Variants in IL1RAPL2 observed in about 807,000 individuals in gnomAD.
IL1RAPL2 encodes the protein X-linked interleukin-1 receptor accessory protein-like 2.
IL1RAPL2 carries 3 observed loss-of-function variants against 44.1 expected under a neutral mutation model. The observed-to-expected ratio is 0.07, with a 90% CI of 0.03 to 0.18. The LOEUF (loss-of-function observed/expected upper bound fraction) is 0.18, where lower values mean the gene tolerates loss of function less well. Among genes scored for constraint, IL1RAPL2 ranks in the 10% least tolerant of loss-of-function variants. The pLI is 1.00. For missense variants in IL1RAPL2, 391 were observed against 496.4 expected (o/e 0.79, Z 2.02); for synonymous variants, 181 against 178.8 (o/e 1.01, Z -0.10).
chrX:105,615,088 T>G (rs993626612), intron 6 of IL1RAPL2, among the ~76,000 whole-genome samples: 1 of 112,190 alleles, frequency 8.9e-6, no homozygotes, highest in Admixed American at 9.4e-5. Flanking sequence ...CTGCTTAGCA[T>G]CATTGATTAT....
At chrX:104,678,399 G>C (rs1231193990) in intron 2 of IL1RAPL2, among the ~76,000 whole-genome samples, 1 of 111,915 alleles carries the variant, frequency 8.9e-6, no homozygotes, top group Non-Finnish European at 1.9e-5. Context: ...ACAATATAAA[G>C]GAAGTAGAAC....
chrX:104,946,118 T>A (rs987138480), intron 2 of IL1RAPL2, among the ~76,000 whole-genome samples: 2 of 108,238 alleles, frequency 1.8e-5, no homozygotes, highest in Non-Finnish European at 3.8e-5. Flanking sequence ...AAAAACTTTT[T>A]TCCCAGCACT....
chrX:105,041,826 A>G (rs1167524311), intron 2 of IL1RAPL2, among the ~76,000 whole-genome samples: 1 of 110,718 alleles, frequency 9.0e-6, no homozygotes, highest in Non-Finnish European at 1.9e-5. Flanking sequence ...ACTTCAAACT[A>G]TACTACAAGG....
chrX:105,569,794 T>C, intron 6 of IL1RAPL2, among the ~76,000 whole-genome samples: 1 of 111,678 alleles, frequency 9.0e-6, no homozygotes, highest in Middle Eastern at 4.6e-3. Context: ...ACAACCAGTA[T>C]ATTATCATTT....
intron 6 of IL1RAPL2, among the ~76,000 whole-genome samples, chrX:105,494,704 G>C (rs949193544): frequency 4.5e-5 from 5 of 111,269 alleles, no homozygotes; most frequent in Non-Finnish European, 9.4e-5. Flanking sequence ...ACCCAGGCTA[G>C]AGTGCAGTGG....
At chrX:104,903,323 C>A (rs1414712421) in intron 2 of IL1RAPL2, among the ~76,000 whole-genome samples, 1 of 111,484 alleles carries the variant, frequency 9.0e-6, no homozygotes, top group Non-Finnish European at 1.9e-5. Context: ...TCTCTTCTTC[C>A]CAACAATTCT....
intron 2 of IL1RAPL2, among the ~76,000 whole-genome samples, chrX:104,673,537 C>G (rs1254717727): frequency 2.7e-5 from 3 of 111,040 alleles, no homozygotes; most frequent in Non-Finnish European, 5.7e-5. Flanking sequence ...AGTGTGATGC[C>G]TCCAGCTTTG....
chrX:105,463,466 CAA>C (rs762668801), intron 5 of IL1RAPL2, among the ~76,000 whole-genome samples: 25 of 110,733 alleles, frequency 2.3e-4, no homozygotes, highest in Non-Finnish European at 4.0e-4. Flanking sequence ...TTGATTTAGG[CAA>C]AGTCTCTTTA....
At chrX:105,693,890 G>A (rs768251015) in intron 6 of IL1RAPL2, among the ~76,000 whole-genome samples, 1 of 111,718 alleles carries the variant, frequency 9.0e-6, no homozygotes, top group Admixed American at 9.5e-5. Context: ...AAAATGTAAG[G>A]AAACATTCTC....
chrX:104,709,557 T>C (rs1931419262), intron 2 of IL1RAPL2, among the ~76,000 whole-genome samples: 3 of 110,712 alleles, frequency 2.7e-5, no homozygotes, highest in Non-Finnish European at 5.7e-5. Context: ...GCCTTTCCCC[T>C]ACTCCCCATA....
chrX:105,624,764 G>A (rs2037442280), intron 6 of IL1RAPL2, among the ~76,000 whole-genome samples: 2 of 111,226 alleles, frequency 1.8e-5, no homozygotes, highest in African/African-American at 6.5e-5. Flanking sequence ...TCATAACTAT[G>A]GATTAACTCT....
rs1050939350 is a variant in IL1RAPL2, at chrX:105,057,029, A to G, written c.83-138446A>G. 9.0e-5 allele frequency among the ~76,000 whole-genome samples: 10 copies of G among 111,617 alleles called. 1 individual carries two copies. Among genetic ancestry groups the G allele is most frequent in the Non-Finnish European group, 1.9e-4 (10 of 53,198 alleles). On this transcript the variant is annotated intron_variant, in intron 2 of 10. Transcript: ENST00000372582. ...GACCATGACGTTCTGAATGGCCATT[A>G]TTGCCCAGTAACAATGCAGTCCTAT...
At chrX:104,801,648 T>C (rs1932886107) in intron 2 of IL1RAPL2, among the ~76,000 whole-genome samples, 1 of 111,633 alleles carries the variant, frequency 9.0e-6, no homozygotes. Flanking sequence ...TAATAGTATA[T>C]GGTTTGGTAG....
At chrX:104,582,674 TTC>T (rs375448423) in intron 1 of IL1RAPL2, among the ~76,000 whole-genome samples, 13 of 74,459 alleles carry the variant, frequency 1.7e-4, no homozygotes, top group Non-Finnish European at 2.2e-4. Context: ...TCTTTTTTCT[TTC>T]TCTTTCTTTC....
chrX:104,876,581 CTAT>C (rs201959613), intron 2 of IL1RAPL2, among the ~76,000 whole-genome samples: 5,546 of 105,757 alleles, frequency 0.052, 403 homozygotes, highest in African/African-American at 0.18. Context: ...TAGAAGATTT[CTAT>C]TATTGTTCCT....
intron 2 of IL1RAPL2, among the ~76,000 whole-genome samples, chrX:105,167,036 G>A (rs761723307): frequency 1.8e-5 from 2 of 111,828 alleles, no homozygotes; most frequent in Admixed American, 9.5e-5. Flanking sequence ...CTTTGTCATC[G>A]TTACTACTCT....
chrX:104,912,900 A>G (rs1924289532), intron 2 of IL1RAPL2, among the ~76,000 whole-genome samples: 1 of 112,380 alleles, frequency 8.9e-6, no homozygotes, highest in Non-Finnish European at 1.9e-5. Context: ...TGGAGATACA[A>G]AAGAAGTAGC....
chrX:105,218,154 T>C (rs2033885471), intron 3 of IL1RAPL2, among the ~76,000 whole-genome samples: 1 of 111,151 alleles, frequency 9.0e-6, no homozygotes, highest in African/African-American at 3.3e-5. Flanking sequence ...AGAGGTTCTG[T>C]GTAAAGGGGA....
intron 5 of IL1RAPL2, among the ~76,000 whole-genome samples, chrX:105,362,911 T>C (rs1481027153): frequency 1.8e-5 from 2 of 110,323 alleles, no homozygotes; most frequent in Non-Finnish European, 3.8e-5. Context: ...TACATTATTA[T>C]TAACTGTGGT....
Sources: allele counts gnomAD v4.1 joint callset (sites outside exome capture counted in the v4.1 genomes callset), GRCh38; gene constraint gnomAD v4.1.1; transcripts MANE v1.5; gene names NCBI Gene and HGNC (gene_info 2026-07-23, HGNC 2026-07-21).